FAM117B: variants seen among roughly 807,000 people sequenced by gnomAD.
FAM117B encodes protein FAM117B.
A neutral mutation model predicts 52.8 loss-of-function variants in FAM117B; 22 were observed. The ratio of observed to expected loss-of-function variants is 0.42; its 90% CI spans 0.30 to 0.59. The LOEUF (loss-of-function observed/expected upper bound fraction) is 0.59. FAM117B is among the 20% of genes least tolerant of loss of function. FAM117B has a pLI of 0.22. For synonymous variants in FAM117B, 309 were observed against 324.1 expected, an observed-to-expected ratio of 0.95 and a Z score of 0.50; for missense variants, 678 against 802.6, an observed-to-expected ratio of 0.84 and a Z score of 1.88.
intron 7 of FAM117B, among the ~76,000 whole-genome samples, chr2:202,760,310 G>T (rs1228017015): frequency 6.6e-6 from 1 of 152,144 alleles, no homozygotes; most frequent in African/African-American, 2.4e-5. Flanking sequence ...GCTCCTGAAC[G>T]GGGGAGGTCC....
At chr2:202,721,373 TA>T (rs1691149473) in intron 2 of FAM117B, among the ~76,000 whole-genome samples, 1 of 152,140 alleles carries the variant, frequency 6.6e-6, no homozygotes, top group African/African-American at 2.4e-5. Context: ...ACTATTTTCA[TA>T]AAACTTATTC....
At chr2:202,700,000 T>C (rs1168982704) in intron 2 of FAM117B, among the ~76,000 whole-genome samples, 1 of 152,220 alleles carries the variant, frequency 6.6e-6, no homozygotes, top group Non-Finnish European at 1.5e-5. Flanking sequence ...CCATGAACCA[T>C]GCCTATATAA....
chr2:202,635,766 C>T lies in FAM117B; in HGVS notation c.579C>T (p.Pro193=), dbSNP rs1345766579. ...GAAGCTCGCCGGAGAAGAGGAGCCC[C>T]AGCGCCCCGGTTTGCAAAGCAGGTA... The part of the protein sequence containing the change: ...QSRSSPEKRS[P]SAPVCKAGDK... Residue 193 remains proline, a synonymous_variant, in exon 1 of 8, where the codon CCC becomes CCT. Transcript: ENST00000392238. 3.6e-5 allele frequency: 52 copies of T among 1,454,848 alleles called. No individual in the cohort carries two copies. Among genetic ancestry groups the T allele is most frequent in the Non-Finnish European group, 4.4e-5 (49 of 1,106,052 alleles). The allele number at this position is 1,454,848 out of a possible 1,614,324, so 90.1% of individuals were successfully genotyped here.
intron 1 of FAM117B, among the ~76,000 whole-genome samples, chr2:202,647,671 A>G (rs563632774): frequency 3.3e-5 from 5 of 152,324 alleles, no homozygotes; most frequent in Admixed American, 2.0e-4. Context: ...CAGATGAGGA[A>G]ATCTTGGGTG....
In FAM117B at chr2:202,695,967, G is replaced by A; in HGVS notation, c.688G>A (p.Ala230Thr). 1 of 1,614,132 alleles carries A rather than the reference G, an allele frequency of 6.2e-7. No homozygotes were observed. The highest frequency in any genetic ancestry group is 1.3e-5 in the African/African-American group (1 of 75,040). Residue 230 changes from alanine to threonine, a missense_variant, in exon 2 of 8, where the codon GCT becomes ACT. By Grantham distance (58) the Ala-to-Thr change is moderately conservative (BLOSUM62 0). Transcript: ENST00000392238. ...SLDTLAAPYL[A>T]GHWPRDSHGQ... is the part of the protein sequence containing the mutation. ...GGATACTCTTGCTGCACCGTATCTTGCTGGACACTGGCCTCGGGATAGCCA... is the reference window on the plus strand; with the variant it reads ...GGATACTCTTGCTGCACCGTATCTTACTGGACACTGGCCTCGGGATAGCCA...
chr2:202,730,282 T>G (rs1691319603), intron 4 of FAM117B, among the ~76,000 whole-genome samples: 1 of 151,966 alleles, frequency 6.6e-6, no homozygotes, highest in African/African-American at 2.4e-5. Context: ...AACCTCAGAG[T>G]CTGAGGTTTT....
At chr2:202,744,204 T>A (rs1338216898) in intron 4 of FAM117B, among the ~76,000 whole-genome samples, 1 of 152,240 alleles carries the variant, frequency 6.6e-6, no homozygotes, top group Non-Finnish European at 1.5e-5. Context: ...CTGGTTTATT[T>A]ATAAAGGTAA....
intron 2 of FAM117B, among the ~76,000 whole-genome samples, chr2:202,702,845 G>T (rs1216888821): frequency 2.6e-5 from 4 of 152,018 alleles, no homozygotes; most frequent in Non-Finnish European, 5.9e-5. Flanking sequence ...GAGCCACTGC[G>T]CCCAGCCACA....
intron 2 of FAM117B, among the ~76,000 whole-genome samples, chr2:202,714,575 G>T (rs1429796283): frequency 2.5e-4 from 31 of 122,610 alleles, no homozygotes; most frequent in African/African-American, 8.1e-4. Flanking sequence ...GGTGTTTCTC[G>T]CAGAGGGGGA....
Position 202,644,053 on chromosome 2 carries a change from G to GTTTTTTTTT in FAM117B, c.601+8267_601+8275dup, listed in dbSNP as rs1219743876. On this transcript the variant is annotated intron_variant, in intron 1 of 7. Coordinates refer to ENST00000392238, the MANE Select transcript of FAM117B (RefSeq NM_173511.4). The stretch of plus-strand genomic sequence containing the variant: ...ATGCTATACTACTGCTTTAGGAGCT[G>GTTTTTTTTT]TTTTTTTTTTGTTTTTTTTTTTTTT... 1.3e-3 allele frequency among the ~76,000 whole-genome samples: 81 copies of GTTTTTTTTT among 60,120 alleles called. 9 individuals carry two copies. The highest frequency in any genetic ancestry group is 5.5e-3 in the African/African-American group (69 of 12,536). The allele number at this position is 60,120 out of a possible 152,430, so 39.4% of individuals were successfully genotyped here. A position where few individuals can be genotyped will look rare whatever the true frequency, so the allele number is the denominator to read the frequency against.
intron 1 of FAM117B, among the ~76,000 whole-genome samples, chr2:202,645,361 T>C (rs1254122639): frequency 2.0e-5 from 3 of 151,778 alleles, no homozygotes; most frequent in Non-Finnish European, 4.4e-5. Context: ...AGATCTCGGC[T>C]CACTGCAGGC....
At chr2:202,674,029 C>G (rs754569985) in intron 1 of FAM117B, among the ~76,000 whole-genome samples, 5 of 152,070 alleles carry the variant, frequency 3.3e-5, no homozygotes, top group South Asian at 2.1e-4. Flanking sequence ...CCCTGCACCC[C>G]CCCCACCTCT....
intron 5 of FAM117B, among the ~76,000 whole-genome samples, chr2:202,756,677 G>A (rs868101156): frequency 2.0e-5 from 3 of 152,010 alleles, no homozygotes; most frequent in East Asian, 1.9e-4. Context: ...AATCAAAGAC[G>A]TGCAGGGAGT....
intron 1 of FAM117B, among the ~76,000 whole-genome samples, chr2:202,659,482 G>A (rs894460727): frequency 1.3e-5 from 2 of 150,500 alleles, no homozygotes; most frequent in Non-Finnish European, 2.9e-5. Context: ...GCTAATTTTT[G>A]TATTTGTTTT....
intron 2 of FAM117B, among the ~76,000 whole-genome samples, chr2:202,712,172 T>C (rs1468705451): frequency 6.6e-6 from 1 of 152,176 alleles, no homozygotes; most frequent in Non-Finnish European, 1.5e-5. Context: ...TTTTAATCCA[T>C]GAACATGGGA....
At chr2:202,746,448 A>G (rs568805701) in intron 4 of FAM117B, among the ~76,000 whole-genome samples, 1 of 152,264 alleles carries the variant, frequency 6.6e-6, no homozygotes, top group South Asian at 2.1e-4. Context: ...CCTATGAGAT[A>G]CAGTATAAGA....
rs186257616 is a variant in FAM117B at position 202,757,403 on chromosome 2, C to T, written c.1295C>T (p.Ser432Leu). Residue 432 changes from serine to leucine, a missense_variant, in exon 6 of 8, where the codon TCA (serine) becomes TTA (leucine). Around this residue, in one of 3 missense-constraint regions of FAM117B, gnomAD observed 583 missense variants for 644.8 expected, o/e 0.90. Coordinates refer to ENST00000392238, the MANE Select transcript of FAM117B (RefSeq NM_173511.4). ...SNEGSEESPCSADDLLVDPRD... is the reference protein window; with the variant it reads ...SNEGSEESPCLADDLLVDPRD... ...GAAGGTAGCGAGGAGAGTCCTTGCT[C>T]AGCGGATGACCTGCTTGTTGATCCC... 20 of 1,614,106 alleles carry T rather than the reference C, an allele frequency of 1.2e-5. No homozygotes were observed. The East Asian group carries it at 3.6e-4, about 29-fold the overall frequency.
intron 1 of FAM117B, among the ~76,000 whole-genome samples, chr2:202,659,802 G>A (rs1690103074): frequency 6.6e-6 from 1 of 151,392 alleles, no homozygotes. Flanking sequence ...TTCATTTTTA[G>A]TAGAGATGGG....
chr2:202,752,613 T>C (rs934494829), intron 4 of FAM117B, among the ~76,000 whole-genome samples: 5 of 152,174 alleles, frequency 3.3e-5, no homozygotes, highest in African/African-American at 1.2e-4. Flanking sequence ...GCCCACCTCT[T>C]CCTGAAAGAG....
Sources: allele counts gnomAD v4.1 joint callset (sites outside exome capture counted in the v4.1 genomes callset), GRCh38; gene constraint gnomAD v4.1.1; regional missense constraint gnomAD v4.1.1; transcripts MANE v1.5; gene names NCBI Gene and HGNC (gene_info 2026-07-23, HGNC 2026-07-21).